The following CLYBL variants were observed in gnomAD, a reference collection of about 807,000 sequenced individuals.
The protein encoded by CLYBL is citramalyl-CoA lyase, mitochondrial.
A neutral mutation model predicts 38.9 loss-of-function variants in CLYBL; 31 were observed. That is an observed-to-expected ratio of 0.80 (90% CI 0.60 to 1.08). CLYBL has a LOEUF of 1.08. Ranked by LOEUF, CLYBL falls within the 50% of genes least tolerant of loss-of-function variation. The pLI, the probability that CLYBL is intolerant of heterozygous loss-of-function variation, is 0.00. For missense variants in CLYBL, 434 were observed against 411.6 expected, an observed-to-expected ratio of 1.05 and a Z score of -0.47; for synonymous variants, 171 against 158.6, an observed-to-expected ratio of 1.08 and a Z score of -0.59.
At chr13:99,709,313 C>T (rs1012873190) in intron 1 of CLYBL, among the ~76,000 whole-genome samples, 1 of 152,178 alleles carries the variant, frequency 6.6e-6, no homozygotes. Flanking sequence ...CCAGCCTCCA[C>T]AGCTGTGAGA....
At chr13:99,631,421 CAT>C (rs2046943596) in intron 1 of CLYBL, among the ~76,000 whole-genome samples, 1 of 149,960 alleles carries the variant, frequency 6.7e-6, no homozygotes, top group African/African-American at 2.5e-5. Context: ...ATATTACATA[CAT>C]ATATGTGTGT....
chr13:99,902,107 C>T (rs968454868), downstream of CLYBL, among the ~76,000 whole-genome samples: 1 of 152,180 alleles, frequency 6.6e-6, no homozygotes, highest in African/African-American at 2.4e-5. Flanking sequence ...TTTACATGTA[C>T]ATACAAACTC....
chr13:99,680,442 A>G (rs925478492), intron 1 of CLYBL, among the ~76,000 whole-genome samples: 1 of 152,234 alleles, frequency 6.6e-6, no homozygotes, highest in African/African-American at 2.4e-5. Context: ...TCCTGTTGCA[A>G]TGAAATAAAA....
chr13:99,806,018 C>G (rs572280496), intron 2 of CLYBL, among the ~76,000 whole-genome samples: 1 of 152,220 alleles, frequency 6.6e-6, no homozygotes, highest in Admixed American at 6.5e-5. Flanking sequence ...TTTAGATTGT[C>G]TTCAGTTTTT....
At chr13:99,843,153 G>GC (rs1245370740) in intron 2 of CLYBL, among the ~76,000 whole-genome samples, 4 of 152,184 alleles carry the variant, frequency 2.6e-5, no homozygotes, top group Non-Finnish European at 5.9e-5. Context: ...GAGAGTTGGA[G>GC]CCTCATGGTC....
chr13:99,746,693 G>C (rs1365334159), intron 1 of CLYBL, among the ~76,000 whole-genome samples: 1 of 152,116 alleles, frequency 6.6e-6, no homozygotes, highest in African/African-American at 2.4e-5. Context: ...GAGAACTCAG[G>C]CTGGCGTGTC....
intron 2 of CLYBL, among the ~76,000 whole-genome samples, chr13:99,787,375 T>C (rs1352232111): frequency 1.3e-5 from 2 of 152,198 alleles, no homozygotes; most frequent in African/African-American, 4.8e-5. Context: ...TTAATTTTTG[T>C]GTAAGGTATA....
At chr13:99,848,145 G>T (rs1056860135) in intron 2 of CLYBL, among the ~76,000 whole-genome samples, 2 of 152,108 alleles carry the variant, frequency 1.3e-5, no homozygotes, top group African/African-American at 4.8e-5. Flanking sequence ...TCAGTCTTCA[G>T]AGGCCACCCG....
At chr13:99,632,912 CAATG>C (rs1271506048) in intron 1 of CLYBL, among the ~76,000 whole-genome samples, 3 of 152,126 alleles carry the variant, frequency 2.0e-5, no homozygotes, top group Non-Finnish European at 4.4e-5. Context: ...AATGTATACA[CAATG>C]AATGAACAGA....
rs533721372 is a variant in CLYBL at position 99,778,789 on chromosome 13, G to C, written c.249+5779G>C. On this transcript the variant is annotated intron_variant, in intron 2 of 8. Coordinates refer to ENST00000339105, the MANE Select transcript of CLYBL (RefSeq NM_206808.5). ...GCCAAGTAATGCACCGATTTCTGAT[G>C]TAACTCCATGACACTGGGTGAGGCC... 1.5e-4 allele frequency among the ~76,000 whole-genome samples: 23 copies of C among 152,284 alleles called. No individual in the cohort carries two copies. The South Asian group carries it at 4.8e-3, about 32-fold the overall frequency.
At chr13:99,631,989 CA>C (rs2046953104) in intron 1 of CLYBL, among the ~76,000 whole-genome samples, 1 of 152,152 alleles carries the variant, frequency 6.6e-6, no homozygotes, top group Non-Finnish European at 1.5e-5. Context: ...CCTCAAAAGA[CA>C]AACTGCGGTG....
At chr13:99,657,919 G>T (rs1178801187) in intron 1 of CLYBL, among the ~76,000 whole-genome samples, 1 of 152,242 alleles carries the variant, frequency 6.6e-6, no homozygotes, top group African/African-American at 2.4e-5. Flanking sequence ...GGCTTCCTTA[G>T]GAGCTGCTCG....
downstream of CLYBL, among the ~76,000 whole-genome samples, chr13:99,900,367 G>A (rs2052627974): frequency 6.6e-6 from 1 of 152,012 alleles, no homozygotes; most frequent in East Asian, 1.9e-4. Flanking sequence ...TGTTGTTGTC[G>A]TTGTTATTAA....
rs57543837 is a variant in CLYBL at position 99,833,031 on chromosome 13, T to TATATATATATATATA, written c.250-25830_250-25829insATATATATATATATA. Among the ~76,000 whole-genome samples, 52 of 21,006 alleles carry TATATATATATATATA rather than the reference T, an allele frequency of 2.5e-3. 4 individuals are homozygous for TATATATATATATATA. The highest frequency in any genetic ancestry group is 3.3e-3 in the Admixed American group (4 of 1,228). 13.8% of individuals were successfully genotyped at this position (21,006 alleles called of 152,430 possible). On this transcript the variant is annotated intron_variant, in intron 2 of 8. Transcript: ENST00000339105. ...ACATATATATATATATATATATATA[T>TATATATATATATATA]TTTTTTTTTTTTTTTTTTTTTTTTT... is the stretch of plus-strand genomic sequence containing the variant.
At chr13:99,833,549 C>T (rs1384578351) in intron 2 of CLYBL, among the ~76,000 whole-genome samples, 1 of 152,050 alleles carries the variant, frequency 6.6e-6, no homozygotes, top group Non-Finnish European at 1.5e-5. Flanking sequence ...GTCATTAGAA[C>T]TCTGCCATCA....
At chr13:99,739,013 T>C (rs1026457726) in intron 1 of CLYBL, among the ~76,000 whole-genome samples, 2 of 152,200 alleles carry the variant, frequency 1.3e-5, no homozygotes, top group Non-Finnish European at 2.9e-5. Flanking sequence ...ACATTGTGAT[T>C]TCATTTAATC....
At chr13:99,755,058 C>T (rs1039538981) in intron 1 of CLYBL, among the ~76,000 whole-genome samples, 15 of 151,424 alleles carry the variant, frequency 9.9e-5, no homozygotes, top group South Asian at 6.3e-4. Context: ...CCACCACGCC[C>T]GGCTAATTGT....
chr13:99,612,781 G>A (rs556129439), intron 1 of CLYBL, among the ~76,000 whole-genome samples: 1 of 152,134 alleles, frequency 6.6e-6, no homozygotes, highest in South Asian at 2.1e-4. Flanking sequence ...AAAGGCTGAG[G>A]TGGGAGGATC....
chr13:99,845,674 C>T (rs570826135), intron 2 of CLYBL, among the ~76,000 whole-genome samples: 3 of 152,260 alleles, frequency 2.0e-5, no homozygotes, highest in South Asian at 2.1e-4. Context: ...ACTTGCTCCA[C>T]GATACACATC....
Sources: gnomAD v4.1 joint callset for allele counts (sites outside exome capture counted in the v4.1 genomes callset) on GRCh38, gnomAD v4.1.1 for gene constraint, MANE v1.5 for transcripts, NCBI Gene and HGNC (gene_info 2026-07-23, HGNC 2026-07-21) for gene names.